Variants in XKR6 observed in about 807,000 individuals in gnomAD.
XKR6 encodes XK related 6.
In XKR6, 22 loss-of-function variants were observed where a neutral mutation model predicts 56.7. The ratio of observed to expected loss-of-function variants is 0.39; its 90% CI spans 0.28 to 0.55. The LOEUF (loss-of-function observed/expected upper bound fraction) is 0.55, where lower values mean the gene tolerates loss of function less well. Ranked by LOEUF, XKR6 falls within the 20% of genes least tolerant of loss-of-function variation. The pLI, the probability that XKR6 is intolerant of heterozygous loss-of-function variation, is 0.66. For synonymous variants in XKR6, 524 were observed against 387.8 expected (o/e 1.35, Z -4.13); for missense variants, 852 against 889.0 (o/e 0.96, Z 0.53).
chr8:11,154,156 G>T (rs1801394472), intron 1 of XKR6, among the ~76,000 whole-genome samples: 2 of 152,324 alleles, frequency 1.3e-5, no homozygotes, highest in South Asian at 2.1e-4. Flanking sequence ...TGGATCTTAG[G>T]GTAGGGTTGG....
At chr8:11,100,866 T>G (rs1052580333) in intron 1 of XKR6, among the ~76,000 whole-genome samples, 1 of 152,198 alleles carries the variant, frequency 6.6e-6, no homozygotes, top group Non-Finnish European at 1.5e-5. Context: ...AGTCAGTGCT[T>G]TGAAAGGTGG....
chr8:11,174,635 G>GC (rs1229238455), intron 1 of XKR6, among the ~76,000 whole-genome samples: 2 of 152,134 alleles, frequency 1.3e-5, no homozygotes, highest in Non-Finnish European at 2.9e-5. Context: ...GAACAAAGCG[G>GC]CTGCGACTGT....
At position 11,137,914 on chromosome 8, in the gene XKR6, T is replaced by C. The variant is rs1238154530; in HGVS notation, c.764+62662A>G. The C allele has an allele frequency of 1.1e-5, 4 of 355,568 alleles. No homozygotes were observed. The East Asian group carries it at 3.0e-4, about 27-fold the overall frequency. The allele number at this position is 355,568 out of a possible 1,614,324, so 22.0% of individuals were successfully genotyped here. On this transcript the variant is annotated intron_variant, in intron 1 of 2. Coordinates refer to ENST00000416569, the MANE Select transcript of XKR6 (RefSeq NM_173683.4). Reference sequence around the variant, plus strand: ...AATAAGACTTAGGTCCAAAATCCTATTTCGTGACACAACTCGACCTTGATC... The same window carrying C: ...AATAAGACTTAGGTCCAAAATCCTACTTCGTGACACAACTCGACCTTGATC...
At chr8:11,096,555 C>A (rs988502899) in intron 1 of XKR6, among the ~76,000 whole-genome samples, 11 of 152,222 alleles carry the variant, frequency 7.2e-5, no homozygotes, top group African/African-American at 2.7e-4. Context: ...CGGATCAAAG[C>A]TTTCCATGCT....
At chr8:10,912,306 GTATATA>G (rs535084135) in intron 2 of XKR6, among the ~76,000 whole-genome samples, 1,879 of 55,194 alleles carry the variant, frequency 0.034, 62 homozygotes, top group East Asian at 0.13. Flanking sequence ...AAGAGAGGGT[GTATATA>G]TATATATATA....
chr8:11,120,539 A>C (rs1322155673), intron 1 of XKR6, among the ~76,000 whole-genome samples: 1 of 152,136 alleles, frequency 6.6e-6, no homozygotes, highest in Non-Finnish European at 1.5e-5. Flanking sequence ...ATAAAAGAGG[A>C]TACAAACAAA....
intron 1 of XKR6, among the ~76,000 whole-genome samples, chr8:11,033,178 G>T (rs186926945): frequency 6.6e-6 from 1 of 152,058 alleles, no homozygotes; most frequent in East Asian, 1.9e-4. Flanking sequence ...GATGGTAATG[G>T]TGGTGAGGAT....
intron 2 of XKR6, among the ~76,000 whole-genome samples, chr8:10,910,695 C>G (rs2129110096): frequency 6.6e-6 from 1 of 152,308 alleles, no homozygotes; most frequent in South Asian, 2.1e-4. Flanking sequence ...AGGTCAAACA[C>G]CAGGGTTTAA....
intron 1 of XKR6, among the ~76,000 whole-genome samples, chr8:11,039,662 G>C (rs954504311): frequency 1.3e-5 from 2 of 152,190 alleles, no homozygotes; most frequent in African/African-American, 4.8e-5. Context: ...TTCCAGCCTG[G>C]TGGCCCACGC....
intron 2 of XKR6, among the ~76,000 whole-genome samples, chr8:10,904,355 C>G (rs1331832399): frequency 6.6e-6 from 1 of 152,116 alleles, no homozygotes; most frequent in Non-Finnish European, 1.5e-5. Context: ...GATCACCAGC[C>G]CTGGGGTCTC....
chr8:10,948,980 C>A (rs1184544130), intron 1 of XKR6, among the ~76,000 whole-genome samples: 6 of 152,218 alleles, frequency 3.9e-5, no homozygotes, highest in South Asian at 2.1e-4. Context: ...TGCAGCCTCT[C>A]GGGAGGCTCC....
At position 11,124,376 on chromosome 8, in the gene XKR6, A is replaced by G. The variant is rs1799649073; in HGVS notation, c.764+76200T>C. 3.2e-5 allele frequency: 6 copies of G among 190,004 alleles called. 1 individual carries two copies. The South Asian group carries it at 6.3e-4, about 20-fold the overall frequency. 11.8% of individuals were successfully genotyped at this position (190,004 alleles called of 1,614,324 possible). A position where few individuals can be genotyped will look rare whatever the true frequency, so the allele number is the denominator to read the frequency against. On this transcript the variant is annotated intron_variant, in intron 1 of 2. Transcript: ENST00000416569. Reference sequence around the variant, plus strand: ...GGGGCCAACTCGATGTGAACACAGTACACACATCCAATGAAACATGGGATG... The same window carrying G: ...GGGGCCAACTCGATGTGAACACAGTGCACACATCCAATGAAACATGGGATG...
At chr8:10,910,863 G>A (rs1318736207) in intron 2 of XKR6, among the ~76,000 whole-genome samples, 4 of 152,240 alleles carry the variant, frequency 2.6e-5, no homozygotes, top group Non-Finnish European at 4.4e-5. Context: ...CAGCTGGCAT[G>A]GCACAAGGCT....
intron 1 of XKR6, among the ~76,000 whole-genome samples, chr8:10,945,675 A>G (rs890666606): frequency 1.3e-5 from 2 of 152,126 alleles, no homozygotes; most frequent in African/African-American, 4.8e-5. Flanking sequence ...GATTTTCTCT[A>G]ATGAATGAAT....
intron 1 of XKR6, among the ~76,000 whole-genome samples, chr8:10,994,230 C>A (rs977723590): frequency 6.6e-6 from 1 of 152,250 alleles, no homozygotes; most frequent in Non-Finnish European, 1.5e-5. Context: ...TCTGAATCCA[C>A]CCTGAGCTTT....
intron 1 of XKR6, among the ~76,000 whole-genome samples, chr8:11,034,176 C>T (rs1012902209): frequency 6.6e-6 from 1 of 152,124 alleles, no homozygotes; most frequent in Non-Finnish European, 1.5e-5. Context: ...TGGTGAGTGC[C>T]AGACAAGGGG....
At chr8:11,031,684 G>C (rs1798996752) in intron 1 of XKR6, among the ~76,000 whole-genome samples, 2 of 150,884 alleles carry the variant, frequency 1.3e-5, no homozygotes, top group African/African-American at 5.0e-5. Context: ...CCTGATTGCA[G>C]CATTCTAGAA....
intron 1 of XKR6, among the ~76,000 whole-genome samples, chr8:11,127,136 C>G (rs1463178344): frequency 6.6e-6 from 1 of 152,052 alleles, no homozygotes; most frequent in East Asian, 1.9e-4. Flanking sequence ...CATGAATAAC[C>G]AACTCCCTTC....
At chr8:11,192,445 GC>G (rs1803635712) in intron 1 of XKR6, among the ~76,000 whole-genome samples, 1 of 152,032 alleles carries the variant, frequency 6.6e-6, no homozygotes. Flanking sequence ...ACAGCGCCTG[GC>G]CTACAAAAAT....
Sources: gnomAD v4.1 joint callset for allele counts (sites outside exome capture counted in the v4.1 genomes callset) on GRCh38, gnomAD v4.1.1 for gene constraint, MANE v1.5 for transcripts, NCBI Gene and HGNC (gene_info 2026-07-23, HGNC 2026-07-21) for gene names.